The following COA6 variants were observed in gnomAD, a reference collection of about 807,000 sequenced individuals.
The protein encoded by COA6 is cytochrome c oxidase assembly factor 6, also known as cytochrome c oxidase assembly factor 6 homolog.
COA6 carries 12 observed loss-of-function variants against 17.1 expected under a neutral mutation model. The ratio of observed to expected loss-of-function variants is 0.70; its 90% CI spans 0.45 to 1.14. The LOEUF is 1.14. COA6 is among the 50% of genes most tolerant of loss of function. The pLI is 0.00. For synonymous variants in COA6, 90 were observed against 73.4 expected, an observed-to-expected ratio of 1.23 and a Z score of -1.16; for missense variants, 246 against 196.5, an observed-to-expected ratio of 1.25 and a Z score of -1.51.
rs910070799 is a variant in COA6, at chr1:234,382,315, C to T, written c.373-1408C>T. Among the ~76,000 whole-genome samples, 3 of 152,172 alleles carry T rather than the reference C, an allele frequency of 2.0e-5. No individual in the cohort carries two copies. The South Asian group carries it at 6.2e-4, about 31-fold the overall frequency. The stretch of plus-strand genomic sequence containing the variant: ...GGAGCTGGGTTGGAGATCAAGGCTG[C>T]TTCTGTGTCAGGGCGCCGTAGATCT... On this transcript the variant is annotated intron_variant, in intron 2 of 2. Transcript: ENST00000366615.
At chr1:234,375,602 G>T (rs926037708) in intron 2 of COA6, among the ~76,000 whole-genome samples, 2 of 152,122 alleles carry the variant, frequency 1.3e-5, no homozygotes, top group African/African-American at 4.8e-5. Context: ...GGGAGGGGTC[G>T]TATTGGTGGC....
chr1:234,373,938 GACAGA>G, intron 1 of COA6: 2 of 1,394,008 alleles, frequency 1.4e-6, no homozygotes, highest in South Asian at 2.7e-5. Context: ...AAGCGACTGG[GACAGA>G]ACCACAGTTC....
At chr1:234,379,821 C>G (rs556953378) in intron 2 of COA6, among the ~76,000 whole-genome samples, 1 of 152,262 alleles carries the variant, frequency 6.6e-6, no homozygotes, top group South Asian at 2.1e-4. Context: ...AACTCACTTA[C>G]TGTCACAAGA....
At chr1:234,376,773 T>C (rs10429822) in intron 2 of COA6, among the ~76,000 whole-genome samples, 83,157 of 151,950 alleles carry the variant, frequency 0.55, 24,508 homozygotes, top group African/African-American at 0.77. Flanking sequence ...TAGCAGCCGC[T>C]GCTCTTTGGA....
intron 2 of COA6, among the ~76,000 whole-genome samples, chr1:234,376,011 C>G (rs1658779699): frequency 6.6e-6 from 1 of 152,162 alleles, no homozygotes; most frequent in Admixed American, 6.5e-5. Flanking sequence ...TACAACCTAT[C>G]TCGTGGGATT....
intron 1 of COA6, chr1:234,373,978 C>G: frequency 1.8e-6 from 2 of 1,135,970 alleles, no homozygotes; most frequent in Non-Finnish European, 2.4e-6. Context: ...TGAGCCCACG[C>G]TGCCGCCCCA....
intron 2 of COA6, among the ~76,000 whole-genome samples, chr1:234,375,855 T>G (rs1377842889): frequency 6.6e-6 from 1 of 152,090 alleles, no homozygotes; most frequent in Non-Finnish European, 1.5e-5. Context: ...AGGATCTCAC[T>G]ATGTTGCCCA....
intron 2 of COA6, among the ~76,000 whole-genome samples, chr1:234,377,018 C>G (rs981643630): frequency 1.3e-5 from 2 of 151,242 alleles, no homozygotes; most frequent in Non-Finnish European, 2.9e-5. Context: ...GATGAGGGCC[C>G]TCATCCTGGC....
At chr1:234,374,842 A>T (rs1218932720) in intron 2 of COA6, among the ~76,000 whole-genome samples, 1 of 152,190 alleles carries the variant, frequency 6.6e-6, no homozygotes, top group Admixed American at 6.5e-5. Flanking sequence ...GAAAAGGTTC[A>T]TATGGTGGAT....
chr1:234,375,756 C>T (rs1658773239), intron 2 of COA6, among the ~76,000 whole-genome samples: 1 of 152,152 alleles, frequency 6.6e-6, no homozygotes, highest in Non-Finnish European at 1.5e-5. Flanking sequence ...TGGCCTCAAG[C>T]AATCTTCCCG....
At chr1:234,380,857 A>G (rs1366396366) in intron 2 of COA6, among the ~76,000 whole-genome samples, 2 of 152,206 alleles carry the variant, frequency 1.3e-5, no homozygotes, top group African/African-American at 2.4e-5. Context: ...AAAATTAGCC[A>G]GGCGCGGTGG....
chr1:234,373,683 G>T lies in COA6; in HGVS notation c.212+5G>T, dbSNP rs1246498508. 2 of 1,612,700 alleles carry T rather than the reference G, an allele frequency of 1.2e-6. No homozygotes were observed. Among genetic ancestry groups the T allele is most frequent in the African/African-American group, 2.7e-5 (2 of 74,936 alleles). ...CGGACGTGGGCGGGCAGAGAGGTCGGCTTGCTGATGGGTCCGGGTGGGGCG... is the reference window on the plus strand; with the variant it reads ...CGGACGTGGGCGGGCAGAGAGGTCGTCTTGCTGATGGGTCCGGGTGGGGCG... On this transcript the variant is annotated splice_donor_5th_base_variant and intron_variant, in intron 1 of 2. Coordinates refer to ENST00000366615, the MANE Select transcript of COA6 (RefSeq NM_001206641.3).
In COA6 at chr1:234,374,112, GTT is replaced by G. The variant is rs61077059; in HGVS notation, c.213-102_213-101del. On this transcript the variant is annotated intron_variant, in intron 1 of 2. Coordinates refer to ENST00000366615, the MANE Select transcript of COA6 (RefSeq NM_001206641.3). Reference sequence around the variant, plus strand: ...CTAAGCATGGTTTTGTTTTGTTTTTGTTTTTTTTTTTTTTTTTAGTTTTAAAG... The same window carrying G: ...CTAAGCATGGTTTTGTTTTGTTTTTGTTTTTTTTTTTTTTTAGTTTTAAAG... 8,492 of 851,492 alleles carry G rather than the reference GTT, an allele frequency of 1.0e-2. 5 individuals are homozygous for G. The highest frequency in any genetic ancestry group is 0.015 in the Middle Eastern group (37 of 2,540). The allele number at this position is 851,492 out of a possible 1,614,324, so 52.7% of individuals were successfully genotyped here. A position where few individuals can be genotyped will look rare whatever the true frequency, so the allele number is the denominator to read the frequency against.
In COA6 at chr1:234,384,108, A is replaced by C. The variant is rs941069872; in HGVS notation, c.*290A>C. ...AGGATGGGTAGTAGGCAGATGATAA[A>C]ATTTATAATATACATAGAAGTGAAA... On this transcript the variant is annotated 3_prime_UTR_variant, in exon 3 of 3. Coordinates refer to ENST00000366615, the MANE Select transcript of COA6 (RefSeq NM_001206641.3). 2 of 222,172 alleles carry C rather than the reference A, an allele frequency of 9.0e-6. No homozygotes were observed. The highest frequency in any genetic ancestry group is 8.9e-6 in the Non-Finnish European group (1 of 112,752). The allele number at this position is 222,172 out of a possible 1,614,324, so 13.8% of individuals were successfully genotyped here. A position where few individuals can be genotyped will look rare whatever the true frequency, so the allele number is the denominator to read the frequency against.
chr1:234,373,821 C>G (rs770166017), intron 1 of COA6, 143 bp downstream of exon 1: 1 of 1,613,616 alleles, frequency 6.2e-7, no homozygotes, highest in Non-Finnish European at 8.5e-7. Context: ...CCCCCACACA[C>G]CTGTTTCTAC....
intron 2 of COA6, 92 bp from the exon 3 acceptor site, chr1:234,383,631 A>G (rs1160738103): frequency 3.2e-6 from 2 of 621,146 alleles, no homozygotes; most frequent in Admixed American, 3.1e-5. Flanking sequence ...ACTTAAATTT[A>G]TGTTGAATAA....
intron 2 of COA6, among the ~76,000 whole-genome samples, chr1:234,379,957 C>G (rs1442905628): frequency 6.6e-6 from 1 of 152,188 alleles, no homozygotes; most frequent in African/African-American, 2.4e-5. Flanking sequence ...CTAACCATAT[C>G]AGATGGTGAC....
intron 2 of COA6, among the ~76,000 whole-genome samples, chr1:234,381,115 C>A (rs1658959183): frequency 2.0e-5 from 3 of 152,178 alleles, no homozygotes; most frequent in Admixed American, 6.5e-5. Flanking sequence ...TATCCAAGAT[C>A]TTTGATCTTA....
chr1:234,381,036 C>T (rs1322195658), intron 2 of COA6, among the ~76,000 whole-genome samples: 1 of 152,154 alleles, frequency 6.6e-6, no homozygotes, highest in African/African-American at 2.4e-5. Flanking sequence ...TTGTTCCTAA[C>T]TTAGGAGCAG....
Sources: gnomAD v4.1 joint callset for allele counts (sites outside exome capture counted in the v4.1 genomes callset) on GRCh38, gnomAD v4.1.1 for gene constraint, MANE v1.5 for transcripts, NCBI Gene and HGNC (gene_info 2026-07-23, HGNC 2026-07-21) for gene names.